The following TLE4 variants were observed in gnomAD, a reference collection of about 807,000 sequenced individuals.
TLE4 encodes transducin-like enhancer protein 4.
TLE4 carries 8 observed loss-of-function variants against 92.8 expected under a neutral mutation model. The ratio of observed to expected loss-of-function variants is 0.09; its 90% CI spans 0.05 to 0.16. TLE4 has a LOEUF of 0.16. Among genes scored for constraint, TLE4 ranks in the 10% least tolerant of loss-of-function variants. The probability of loss-of-function intolerance (pLI) is 1.00; values close to 1 mark genes in which losing one functional copy is unlikely to be tolerated. For missense variants in TLE4, 675 were observed against 997.6 expected (o/e 0.68, Z 4.36); for synonymous variants, 371 against 374.1 (o/e 0.99, Z 0.10).
intron 14 of TLE4, among the ~76,000 whole-genome samples, chr9:79,711,654 T>C (rs987855247): frequency 5.3e-5 from 8 of 152,140 alleles, no homozygotes; most frequent in African/African-American, 1.9e-4. Flanking sequence ...GGAAACACCT[T>C]GGCTAAGGGA....
At chr9:79,613,376 G>A (rs2048801484) in intron 5 of TLE4, among the ~76,000 whole-genome samples, 1 of 152,080 alleles carries the variant, frequency 6.6e-6, no homozygotes, top group East Asian at 1.9e-4. Context: ...CATGCCATCA[G>A]CAAACAGGCA....
chr9:79,689,535 T>C (rs2066607853), intron 8 of TLE4, among the ~76,000 whole-genome samples: 2 of 152,190 alleles, frequency 1.3e-5, no homozygotes, highest in Non-Finnish European at 2.9e-5. Flanking sequence ...TTTGTCAGCA[T>C]TGTAGAGTCA....
intron 18 of TLE4, 136 bp downstream of exon 18, chr9:79,722,737 C>A: frequency 8.8e-7 from 1 of 1,135,004 alleles, no homozygotes; most frequent in Non-Finnish European, 1.2e-6. Flanking sequence ...CTGATACATG[C>A]CTGCTTCCCC....
chr9:79,649,940 G>A (rs1272830753), intron 6 of TLE4: 3 of 1,238,370 alleles, frequency 2.4e-6, no homozygotes, highest in East Asian at 5.0e-5. Context: ...TTTTGAGACA[G>A]GGTTTCACTC....
intron 4 of TLE4, among the ~76,000 whole-genome samples, chr9:79,584,249 A>G (rs747297357): frequency 1.3e-5 from 2 of 152,222 alleles, no homozygotes; most frequent in Non-Finnish European, 2.9e-5. Flanking sequence ...CTGGCAGTCC[A>G]AGAGTGTTAC....
rs190876616 is a variant in TLE4 at position 79,626,512 on chromosome 9, A to G, written c.316-862A>G. ...TGACTGTAGATACTAGAGTGGTCAA[A>G]TGTTTTAATGGGAAATAATATTTAG... is the stretch of plus-strand genomic sequence containing the variant. On this transcript the variant is annotated intron_variant, in intron 5 of 19. Coordinates refer to ENST00000376552, the MANE Select transcript of TLE4 (RefSeq NM_007005.6). Among the ~76,000 whole-genome samples the G allele has an allele frequency of 2.7e-4, 41 of 152,334 alleles. 1 individual carries two copies. The highest frequency in any genetic ancestry group is 9.1e-4 in the African/African-American group (38 of 41,580).
chr9:79,591,962 T>G (rs150564299), intron 4 of TLE4, among the ~76,000 whole-genome samples: 2 of 152,302 alleles, frequency 1.3e-5, no homozygotes, highest in African/African-American at 4.8e-5. Flanking sequence ...CCTGCCAAAT[T>G]TATAATCCTT....
chr9:79,647,825 G>T (rs1227277757), intron 6 of TLE4, among the ~76,000 whole-genome samples: 3 of 151,864 alleles, frequency 2.0e-5, no homozygotes, highest in Non-Finnish European at 4.4e-5. Flanking sequence ...TATCTTAATG[G>T]TATTGAGCTT....
intron 15 of TLE4, 57 bp downstream of exon 15, chr9:79,719,028 G>A: frequency 6.4e-7 from 1 of 1,562,360 alleles, no homozygotes; most frequent in South Asian, 1.2e-5. Flanking sequence ...AGGAGGGGCT[G>A]ATGAGAGAAC....
intron 18 of TLE4, 133 bp downstream of exon 18, chr9:79,722,734 AT>A: frequency 8.6e-7 from 1 of 1,162,262 alleles, no homozygotes; most frequent in South Asian, 1.6e-5. Context: ...TTCCTGATAC[AT>A]GCCTGCTTCC....
chr9:79,683,496 C>G (rs2065165119), intron 8 of TLE4, among the ~76,000 whole-genome samples: 1 of 152,118 alleles, frequency 6.6e-6, no homozygotes, highest in Non-Finnish European at 1.5e-5. Context: ...ACTCTGGTCC[C>G]TTAATCAACA....
At chr9:79,666,773 A>G (rs2061473581) in intron 8 of TLE4, among the ~76,000 whole-genome samples, 1 of 152,234 alleles carries the variant, frequency 6.6e-6, no homozygotes. Context: ...ACACAACATT[A>G]CATGGAAACA....
At chr9:79,630,118 A>T (rs1436183908) in intron 6 of TLE4, among the ~76,000 whole-genome samples, 1 of 152,190 alleles carries the variant, frequency 6.6e-6, no homozygotes, top group Non-Finnish European at 1.5e-5. Flanking sequence ...ATATGTGTCT[A>T]TTTTATATGT....
intron 6 of TLE4, among the ~76,000 whole-genome samples, chr9:79,636,309 G>A (rs528055219): frequency 1.3e-5 from 2 of 152,022 alleles, no homozygotes; most frequent in African/African-American, 2.4e-5. Context: ...TAAAAAACAA[G>A]CAAATGAAAA....
chr9:79,633,110 A>G (rs2133738029), intron 6 of TLE4, among the ~76,000 whole-genome samples: 1 of 152,300 alleles, frequency 6.6e-6, no homozygotes, highest in Non-Finnish European at 1.5e-5. Flanking sequence ...TGATGTATTC[A>G]TAATCTAATC....
chr9:79,592,229 T>TTTTCTTC (rs2042826595), intron 4 of TLE4, among the ~76,000 whole-genome samples: 1 of 133,094 alleles, frequency 7.5e-6, no homozygotes, highest in Non-Finnish European at 1.5e-5. Flanking sequence ...TTCTTCTTCT[T>TTTTCTTC]CTTCTTCCTT....
intron 8 of TLE4, chr9:79,693,615 C>A (rs369036266): frequency 3.9e-6 from 2 of 515,866 alleles, no homozygotes; most frequent in African/African-American, 1.9e-5. Context: ...ACATGCCACA[C>A]GTGTGCATGC....
Position 79,709,690 on chromosome 9 carries a change from G to T in TLE4, c.1331G>T (p.Gly444Val). The T allele has an allele frequency of 4.3e-6, 7 of 1,614,018 alleles. No individual in the cohort carries two copies. The highest frequency in any genetic ancestry group is 5.9e-6 in the Non-Finnish European group (7 of 1,179,988). The change falls in exon 14 of 20, where the codon GGA becomes GTA. Residue 444 changes from glycine (G) to valine (V), a missense_variant. By Grantham distance (109) the Gly-to-Val change is moderately radical (BLOSUM62 -3). Transcript: ENST00000376552. ...CCTCCAAACCTGACAGGCATTCCAG[G>T]AGGAAAACCGTGAGTACCTTTTTGC... ...AIPPNLTGIP[G>V]GKPAYSFHVS...
intron 6 of TLE4, among the ~76,000 whole-genome samples, chr9:79,632,162 A>C (rs890711552): frequency 2.2e-4 from 34 of 152,018 alleles, no homozygotes; most frequent in African/African-American, 7.5e-4. Context: ...TCCACCCTTC[A>C]CTTACACAAG....
Sources: gnomAD v4.1 joint callset for allele counts (sites outside exome capture counted in the v4.1 genomes callset) on GRCh38, gnomAD v4.1.1 for gene constraint, MANE v1.5 for transcripts, NCBI Gene and HGNC (gene_info 2026-07-23, HGNC 2026-07-21) for gene names.